The following L3MBTL4 variants were observed in gnomAD, a reference collection of about 807,000 sequenced individuals.
The protein encoded by L3MBTL4 is lethal(3)malignant brain tumor-like protein 4.
L3MBTL4 carries 70 observed loss-of-function variants against 84.5 expected under a neutral mutation model. The observed-to-expected ratio is 0.83, with a 90% CI of 0.68 to 1.01. The LOEUF is 1.01. Ranked by LOEUF, L3MBTL4 falls within the 50% of genes least tolerant of loss-of-function variation. L3MBTL4 has a pLI of 0.00. For missense variants in L3MBTL4, 715 were observed against 754.8 expected (o/e 0.95, Z 0.62); for synonymous variants, 274 against 259.8 (o/e 1.05, Z -0.52).
At chr18:6,203,505 T>C (rs1599134599) in intron 12 of L3MBTL4, among the ~76,000 whole-genome samples, 2 of 152,302 alleles carry the variant, frequency 1.3e-5, no homozygotes, top group East Asian at 3.9e-4. Context: ...AGTATTGAGT[T>C]GGGAGAGCCT....
chr18:6,231,159 A>G (rs906771523), intron 10 of L3MBTL4, among the ~76,000 whole-genome samples: 6 of 152,178 alleles, frequency 3.9e-5, no homozygotes, highest in Non-Finnish European at 8.8e-5. Flanking sequence ...GCCAGGGCCT[A>G]TATCCAGGAT....
At chr18:5,956,760 T>C (rs1167498085) in intron 18 of L3MBTL4, among the ~76,000 whole-genome samples, 1 of 152,210 alleles carries the variant, frequency 6.6e-6, no homozygotes, top group African/African-American at 2.4e-5. Flanking sequence ...TAATGTGCAA[T>C]GTGTATATGC....
chr18:6,302,027 C>G (rs1001758413), intron 3 of L3MBTL4, 70 bp from the exon 4 acceptor site: 1 of 1,252,582 alleles, frequency 8.0e-7, no homozygotes, highest in Non-Finnish European at 1.2e-6. Context: ...AACTAATGTT[C>G]CTTTTTGCAG....
At chr18:6,238,099 A>G in intron 9 of L3MBTL4, 59 bp from the exon 10 acceptor site, 8 of 1,410,656 alleles carry the variant, frequency 5.7e-6, no homozygotes, top group Non-Finnish European at 8.0e-6. Context: ...GAAAGAATTC[A>G]AGAGTAACAA....
intron 4 of L3MBTL4, among the ~76,000 whole-genome samples, chr18:6,270,588 T>G (rs867586216): frequency 1.3e-4 from 20 of 152,054 alleles, no homozygotes; most frequent in Admixed American, 3.9e-4. Flanking sequence ...CACAGAAAGC[T>G]CCCCGGAGGA....
intron 16 of L3MBTL4, among the ~76,000 whole-genome samples, chr18:5,977,702 A>G (rs2053012188): frequency 2.0e-5 from 3 of 152,156 alleles, no homozygotes; most frequent in African/African-American, 7.2e-5. Flanking sequence ...CACTTTTTCA[A>G]GGGATCCCCA....
intron 5 of L3MBTL4, among the ~76,000 whole-genome samples, chr18:6,253,895 G>A (rs1436612407): frequency 1.3e-5 from 2 of 152,124 alleles, no homozygotes; most frequent in South Asian, 2.1e-4. Flanking sequence ...ATTTTCTTCT[G>A]GCTTTCTCTT....
intron 4 of L3MBTL4, among the ~76,000 whole-genome samples, chr18:6,281,053 T>C (rs1460827900): frequency 1.3e-5 from 2 of 152,134 alleles, no homozygotes; most frequent in Non-Finnish European, 2.9e-5. Flanking sequence ...TAATACAGAA[T>C]GTACATCAGG....
intron 12 of L3MBTL4, among the ~76,000 whole-genome samples, chr18:6,204,821 T>C (rs1363379274): frequency 6.6e-6 from 1 of 152,200 alleles, no homozygotes; most frequent in Non-Finnish European, 1.5e-5. Flanking sequence ...TCCAGCTAGA[T>C]GGTCAGGGCA....
At chr18:6,220,087 G>A (rs1251386280) in intron 10 of L3MBTL4, among the ~76,000 whole-genome samples, 1 of 152,110 alleles carries the variant, frequency 6.6e-6, no homozygotes, top group Non-Finnish European at 1.5e-5. Context: ...CTGAGATCTA[G>A]GGAGATTACT....
chr18:6,046,878 G>A (rs2145767784), intron 16 of L3MBTL4: 2 of 595,598 alleles, frequency 3.4e-6, no homozygotes, highest in South Asian at 2.5e-5. Flanking sequence ...CCCAAAACTA[G>A]CAGAAGAAAA....
At chr18:6,138,135 G>T in intron 14 of L3MBTL4, 59 bp downstream of exon 14, 3 of 1,164,816 alleles carry the variant, frequency 2.6e-6, no homozygotes, top group Non-Finnish European at 3.8e-6. Flanking sequence ...CCATGTAGCT[G>T]CTAATCTGCA....
chr18:6,349,910 G>A (rs1033656395), intron 1 of L3MBTL4, among the ~76,000 whole-genome samples: 2 of 152,020 alleles, frequency 1.3e-5, no homozygotes, highest in African/African-American at 2.4e-5. Flanking sequence ...TGGTTTTCCA[G>A]ATGTGTTCAC....
intron 14 of L3MBTL4, among the ~76,000 whole-genome samples, chr18:6,094,948 A>G (rs1402559135): frequency 2.6e-5 from 4 of 152,172 alleles, no homozygotes; most frequent in Non-Finnish European, 5.9e-5. Flanking sequence ...ATTTGTAATA[A>G]TCAGTATTGA....
intron 1 of L3MBTL4, among the ~76,000 whole-genome samples, chr18:6,353,820 CT>C (rs1431398457): frequency 6.6e-6 from 1 of 151,752 alleles, no homozygotes; most frequent in East Asian, 1.9e-4. Flanking sequence ...CATTTTTTTA[CT>C]GGAAAAATCA....
At chr18:6,370,151 A>AAAG (rs2054099924) in intron 1 of L3MBTL4, among the ~76,000 whole-genome samples, 1 of 150,714 alleles carries the variant, frequency 6.6e-6, no homozygotes, top group African/African-American at 2.5e-5. Flanking sequence ...AAAAAAAAAA[A>AAAG]AAAGAAAGCA....
intron 10 of L3MBTL4, among the ~76,000 whole-genome samples, chr18:6,236,293 C>A (rs937335339): frequency 9.9e-5 from 15 of 152,196 alleles, no homozygotes; most frequent in African/African-American, 3.6e-4. Context: ...ACTCTATGAG[C>A]AATGGATTTT....
chr18:6,299,437 G>A (rs548720145), intron 4 of L3MBTL4, among the ~76,000 whole-genome samples: 1 of 152,188 alleles, frequency 6.6e-6, no homozygotes, highest in Non-Finnish European at 1.5e-5. Flanking sequence ...AAAGTGAAAT[G>A]AGCACAGGCT....
chr18:6,069,481 G>A (rs534148560), intron 16 of L3MBTL4, among the ~76,000 whole-genome samples: 72 of 151,998 alleles, frequency 4.7e-4, no homozygotes, highest in Non-Finnish European at 3.1e-4. Context: ...GTTCCCCAAA[G>A]TTTATGTCCT....
Sources: allele counts gnomAD v4.1 joint callset (sites outside exome capture counted in the v4.1 genomes callset), GRCh38; gene constraint gnomAD v4.1.1; transcripts MANE v1.5; gene names NCBI Gene and HGNC (gene_info 2026-07-23, HGNC 2026-07-21).